Variants in SPOCK3 observed in about 807,000 individuals in gnomAD.
The protein encoded by SPOCK3 is testican-3.
In SPOCK3, 30 loss-of-function variants were observed where a neutral mutation model predicts 56.6. The observed-to-expected ratio is 0.53, with a 90% CI of 0.40 to 0.72. SPOCK3 has a LOEUF of 0.72. SPOCK3 is among the 30% of genes least tolerant of loss of function. SPOCK3 has a pLI of 0.00. For synonymous variants in SPOCK3, 196 were observed against 183.3 expected (o/e 1.07, Z -0.56); for missense variants, 527 against 530.0 (o/e 0.99, Z 0.06).
chr4:166,879,150 A>G (rs1047945309), intron 6 of SPOCK3, among the ~76,000 whole-genome samples: 6 of 151,948 alleles, frequency 3.9e-5, no homozygotes, highest in African/African-American at 1.5e-4. Flanking sequence ...CAGAAAGACT[A>G]TCTGGCAACT....
intron 2 of SPOCK3, among the ~76,000 whole-genome samples, chr4:167,167,948 TC>T (rs199924659): frequency 6.6e-6 from 1 of 151,936 alleles, no homozygotes; most frequent in Non-Finnish European, 1.5e-5. Flanking sequence ...GGGGGTGATT[TC>T]CCCCCATACT....
intron 2 of SPOCK3, among the ~76,000 whole-genome samples, chr4:167,069,284 T>C (rs893312069): frequency 5.9e-5 from 9 of 151,908 alleles, no homozygotes; most frequent in African/African-American, 1.7e-4. Flanking sequence ...CCAAGCCACA[T>C]AGAGAAGCCA....
intron 3 of SPOCK3, among the ~76,000 whole-genome samples, chr4:167,048,999 CT>C: frequency 6.6e-6 from 1 of 151,986 alleles, no homozygotes; most frequent in East Asian, 1.9e-4. Context: ...AATCACTTAG[CT>C]TTTTTTCATA....
intron 3 of SPOCK3, among the ~76,000 whole-genome samples, chr4:167,059,436 T>C (rs1203351655): frequency 6.6e-6 from 1 of 151,712 alleles, no homozygotes. Flanking sequence ...GAAATGCAAA[T>C]CAAAACCACA....
intron 4 of SPOCK3, among the ~76,000 whole-genome samples, chr4:166,979,305 T>C (rs1746325197): frequency 1.3e-5 from 2 of 152,006 alleles, no homozygotes; most frequent in Non-Finnish European, 2.9e-5. Context: ...GCACCATAAA[T>C]CTCTCTTGCT....
chr4:167,198,114 T>C (rs1268836028), intron 2 of SPOCK3, among the ~76,000 whole-genome samples: 1 of 152,212 alleles, frequency 6.6e-6, no homozygotes, highest in African/African-American at 2.4e-5. Flanking sequence ...TTATACATAT[T>C]TTTAGCCAAC....
rs1764843517 is a variant in SPOCK3, at chr4:167,156,671, T to C, written c.189+77314A>G. 2.0e-5 allele frequency among the ~76,000 whole-genome samples: 3 copies of C among 152,150 alleles called. No individual in the cohort carries two copies. The South Asian group carries it at 6.2e-4, about 32-fold the overall frequency. ...AAAAAGAAATTCTGTAACTTACTGA[T>C]GTGTGCATAATTTCCCTATTTTATG... On this transcript the variant is annotated intron_variant, in intron 2 of 10. Coordinates refer to ENST00000357545, the MANE Select transcript of SPOCK3 (RefSeq NM_001040159.2).
chr4:166,807,485 G>A (rs1743303141), intron 6 of SPOCK3, among the ~76,000 whole-genome samples: 2 of 152,082 alleles, frequency 1.3e-5, no homozygotes. Context: ...TTGTGTTGTT[G>A]TTTGTCCTGT....
intron 2 of SPOCK3, among the ~76,000 whole-genome samples, chr4:167,073,157 C>G (rs564236603): frequency 6.6e-6 from 1 of 151,494 alleles, no homozygotes; most frequent in South Asian, 2.1e-4. Context: ...ATATTTATAA[C>G]ATTATCTTAG....
At chr4:167,167,321 C>T (rs892129515) in intron 2 of SPOCK3, among the ~76,000 whole-genome samples, 5 of 152,040 alleles carry the variant, frequency 3.3e-5, no homozygotes, top group Admixed American at 6.6e-5. Flanking sequence ...GCTAAGATTG[C>T]GTTTTGGTGA....
intron 2 of SPOCK3, among the ~76,000 whole-genome samples, chr4:167,141,463 G>GT (rs1763525294): frequency 6.6e-6 from 1 of 151,854 alleles, no homozygotes; most frequent in South Asian, 2.1e-4. Context: ...CTAAAATCAG[G>GT]GTCCCTCTCC....
rs528968938 is a variant in SPOCK3, at chr4:167,148,182, C to T, written c.190-85645G>A. 8.1e-4 allele frequency among the ~76,000 whole-genome samples: 123 copies of T among 152,082 alleles called. 1 individual carries two copies. Among genetic ancestry groups the T allele is most frequent in the Middle Eastern group, 3.4e-3 (1 of 294 alleles). On this transcript the variant is annotated intron_variant, in intron 2 of 10. Transcript: ENST00000357545. ...TTCCAGGGGATCTTTGCCAATATCA[C>T]GAGACATTTTTGATTGTCACAATTT...
At chr4:167,101,725 T>C (rs1759667308) in intron 2 of SPOCK3, among the ~76,000 whole-genome samples, 1 of 149,202 alleles carries the variant, frequency 6.7e-6, no homozygotes, top group African/African-American at 2.5e-5. Flanking sequence ...TTTTTTTTTT[T>C]TTTTTTTTGA....
chr4:166,808,524 C>T (rs1426085887), intron 6 of SPOCK3, among the ~76,000 whole-genome samples: 1 of 151,858 alleles, frequency 6.6e-6, no homozygotes, highest in Admixed American at 6.6e-5. Flanking sequence ...GGAAAGGAGC[C>T]CTCACCCAAA....
intron 3 of SPOCK3, among the ~76,000 whole-genome samples, chr4:167,034,199 A>C (rs574740266): frequency 3.3e-5 from 5 of 152,162 alleles, no homozygotes; most frequent in Admixed American, 1.3e-4. Flanking sequence ...AAGTGAAAAA[A>C]TATTTTAATA....
intron 2 of SPOCK3, among the ~76,000 whole-genome samples, chr4:167,132,304 A>G (rs1285737821): frequency 6.6e-6 from 1 of 152,202 alleles, no homozygotes; most frequent in Non-Finnish European, 1.5e-5. Context: ...CAACTTCTAA[A>G]ACATTTCATA....
chr4:166,927,790 G>C (rs1739288558), intron 4 of SPOCK3, among the ~76,000 whole-genome samples: 1 of 151,924 alleles, frequency 6.6e-6, no homozygotes, highest in Admixed American at 6.6e-5. Context: ...ATGATGAGGA[G>C]ACAAGCCAGA....
At chr4:167,036,730 T>C (rs1752790108) in intron 3 of SPOCK3, among the ~76,000 whole-genome samples, 1 of 152,192 alleles carries the variant, frequency 6.6e-6, no homozygotes, top group Admixed American at 6.5e-5. Context: ...TAGCATCACA[T>C]ATTGTTTATA....
At chr4:167,071,878 G>C (rs903975490) in intron 2 of SPOCK3, among the ~76,000 whole-genome samples, 1 of 151,984 alleles carries the variant, frequency 6.6e-6, no homozygotes, top group Non-Finnish European at 1.5e-5. Context: ...ATCCTCTCCA[G>C]CATCTGTTGT....
Sources: gnomAD v4.1 joint callset for allele counts (sites outside exome capture counted in the v4.1 genomes callset) on GRCh38, gnomAD v4.1.1 for gene constraint, MANE v1.5 for transcripts, NCBI Gene and HGNC (gene_info 2026-07-23, HGNC 2026-07-21) for gene names.